Variants in DCX observed in about 807,000 individuals in gnomAD.
DCX encodes doublecortin.
In DCX, 4 loss-of-function variants were observed where a neutral mutation model predicts 20.9. That is an observed-to-expected ratio of 0.19 (90% CI 0.09 to 0.44). The LOEUF is 0.44. Among genes scored for constraint, DCX ranks in the 20% least tolerant of loss-of-function variants. The pLI is 0.99. For synonymous variants in DCX, 103 were observed against 111.4 expected (o/e 0.92, Z 0.47); for missense variants, 133 against 296.9 (o/e 0.45, Z 4.06).
chrX:111,376,590 T>C (rs1351907468), intron 3 of DCX, among the ~76,000 whole-genome samples: 2 of 111,761 alleles, frequency 1.8e-5, no homozygotes, highest in African/African-American at 6.5e-5. Flanking sequence ...AAAGATTCTC[T>C]AGCTTAGTGG....
intron 5 of DCX, among the ~76,000 whole-genome samples, chrX:111,327,308 G>A (rs2095101762): frequency 8.9e-6 from 1 of 111,951 alleles, no homozygotes; most frequent in African/African-American, 3.2e-5. Context: ...AACAAAGCCT[G>A]TTTGCCCCAC....
chrX:111,394,483 A>G (rs1034114768), intron 3 of DCX, among the ~76,000 whole-genome samples: 1 of 112,422 alleles, frequency 8.9e-6, no homozygotes, highest in Non-Finnish European at 1.9e-5. Flanking sequence ...TGAGTGAAAT[A>G]TATAATGTGG....
At chrX:111,318,643 C>T (rs942365780) in intron 5 of DCX, among the ~76,000 whole-genome samples, 6 of 110,953 alleles carry the variant, frequency 5.4e-5, no homozygotes, top group Admixed American at 3.9e-4. Context: ...ATGTACTTTG[C>T]GGTACCATGG....
intron 3 of DCX, among the ~76,000 whole-genome samples, chrX:111,337,644 G>T (rs749839852): frequency 5.4e-5 from 6 of 112,076 alleles, no homozygotes; most frequent in African/African-American, 1.3e-4. Flanking sequence ...GAACATGCCT[G>T]GTTCTAGTAG....
intron 6 of DCX, among the ~76,000 whole-genome samples, chrX:111,308,356 G>C (rs1402065135): frequency 9.0e-6 from 1 of 111,724 alleles, no homozygotes; most frequent in African/African-American, 3.3e-5. Flanking sequence ...CTTCTAGTTT[G>C]GGTTTTCTAT....
chrX:111,407,963 G>A (rs187585119), intron 2 of DCX, among the ~76,000 whole-genome samples: 1 of 111,587 alleles, frequency 9.0e-6, no homozygotes, highest in East Asian at 2.8e-4. Flanking sequence ...ACTTGGTTCA[G>A]TACTCTTTCC....
intron 3 of DCX, among the ~76,000 whole-genome samples, chrX:111,351,081 C>G (rs1923261196): frequency 8.9e-6 from 1 of 112,083 alleles, no homozygotes; most frequent in African/African-American, 3.2e-5. Flanking sequence ...ATGGGAGCTA[C>G]AATTCAAGAT....
At chrX:111,367,207 T>C (rs995661177) in intron 3 of DCX, among the ~76,000 whole-genome samples, 2 of 111,713 alleles carry the variant, frequency 1.8e-5, no homozygotes, top group African/African-American at 6.5e-5. Context: ...GGAGCAGAGA[T>C]AGGCTGAACA....
chrX:111,350,299 A>G (rs1481551970), intron 3 of DCX, among the ~76,000 whole-genome samples: 1 of 111,468 alleles, frequency 9.0e-6, no homozygotes, highest in Non-Finnish European at 1.9e-5. Context: ...TGTAAGCAAA[A>G]GGAAGGAGCT....
rs1467761494 is a variant in DCX, at chrX:111,330,058, C to T, written c.946+846G>A. Among the ~76,000 whole-genome samples, 21 of 112,033 alleles carry T rather than the reference C, an allele frequency of 1.9e-4. No homozygotes were observed. In the Admixed American group the frequency reaches 1.9e-3, roughly 10 times the overall value. ...TGTTATAAAAGAATGGAAGACATTGCCTCTTAGATCAGTGTCACTCAAACT... is the reference window on the plus strand; with the variant it reads ...TGTTATAAAAGAATGGAAGACATTGTCTCTTAGATCAGTGTCACTCAAACT... On this transcript the variant is annotated intron_variant, in intron 5 of 6. Coordinates refer to ENST00000636035, the MANE Select transcript of DCX (RefSeq NM_001195553.2).
chrX:111,307,933 G>T (rs1165062524), intron 6 of DCX, among the ~76,000 whole-genome samples: 3 of 111,691 alleles, frequency 2.7e-5, no homozygotes, highest in Non-Finnish European at 3.8e-5. Context: ...GATTTCACTT[G>T]TAGCTGCTGT....
chrX:111,357,953 G>C (rs781225063), intron 3 of DCX, among the ~76,000 whole-genome samples: 1 of 110,456 alleles, frequency 9.1e-6, no homozygotes, highest in Non-Finnish European at 1.9e-5. Flanking sequence ...TCAGCCTCCT[G>C]AGTAGCTGGG....
At chrX:111,403,030 G>T (rs760072422) in intron 2 of DCX, among the ~76,000 whole-genome samples, 1 of 110,986 alleles carries the variant, frequency 9.0e-6, no homozygotes, top group Non-Finnish European at 1.9e-5. Context: ...CTCCCTTGCT[G>T]GTTAATTCAA....
intron 3 of DCX, among the ~76,000 whole-genome samples, chrX:111,373,020 GA>G (rs1328023005): frequency 2.7e-5 from 3 of 110,950 alleles, no homozygotes; most frequent in Non-Finnish European, 5.7e-5. Flanking sequence ...GCAATCAAGG[GA>G]TGCTTTCTAA....
rs1191055226 is a variant in DCX at position 111,297,886 on chromosome X, C to T, written c.*3801G>A. 1 of 111,317 alleles carries T rather than the reference C, an allele frequency of 9.0e-6. No individual in the cohort carries two copies. The highest frequency in any genetic ancestry group is 1.9e-5 in the Non-Finnish European group (1 of 53,059). 9.2% of individuals were successfully genotyped at this position (111,317 alleles called of 1,213,427 possible). A position where few individuals can be genotyped will look rare whatever the true frequency, so the allele number is the denominator to read the frequency against. ...GCCAGGGTACATTTTTGTCACAAAG[C>T]CCCTTGCTTATACCTGGAAATTGTC... On this transcript the variant is annotated 3_prime_UTR_variant, in exon 7 of 7. Transcript: ENST00000636035.
At chrX:111,328,774 A>G (rs1359113708) in intron 5 of DCX, among the ~76,000 whole-genome samples, 2 of 110,911 alleles carry the variant, frequency 1.8e-5, no homozygotes, top group South Asian at 3.9e-4. Flanking sequence ...AAGGTAGGAG[A>G]TCTTGCCAAC....
chrX:111,360,537 C>T (rs770342903), intron 3 of DCX, among the ~76,000 whole-genome samples: 85 of 111,310 alleles, frequency 7.6e-4, no homozygotes, highest in African/African-American at 2.7e-3. Flanking sequence ...GATGGCACAA[C>T]AGGGTGACCA....
At chrX:111,328,479 C>A (rs1434154398) in intron 5 of DCX, among the ~76,000 whole-genome samples, 1 of 111,530 alleles carries the variant, frequency 9.0e-6, no homozygotes, top group African/African-American at 3.3e-5. Flanking sequence ...TGCTGGGTAA[C>A]CAATTGGATG....
At chrX:111,330,788 G>A in intron 5 of DCX, 116 bp downstream of exon 5, 1 of 1,054,800 alleles carries the variant, frequency 9.5e-7, no homozygotes, top group South Asian at 1.9e-5. Flanking sequence ...TGAATTGATA[G>A]AATAGGGTTT....
Sources: gnomAD v4.1 joint callset for allele counts (sites outside exome capture counted in the v4.1 genomes callset) on GRCh38, gnomAD v4.1.1 for gene constraint, MANE v1.5 for transcripts, NCBI Gene and HGNC (gene_info 2026-07-23, HGNC 2026-07-21) for gene names.